The following TNFRSF8 variants were observed in gnomAD, a reference collection of about 807,000 sequenced individuals.
TNFRSF8 encodes the protein tumor necrosis factor receptor superfamily member 8.
In TNFRSF8, 26 loss-of-function variants were observed where a neutral mutation model predicts 70.8. That is an observed-to-expected ratio of 0.37 (90% confidence interval 0.27 to 0.51). The LOEUF (loss-of-function observed/expected upper bound fraction) is 0.51. Among genes scored for constraint, TNFRSF8 ranks in the 20% least tolerant of loss-of-function variants. TNFRSF8 has a pLI of 0.94. For synonymous variants in TNFRSF8, 356 were observed against 339.2 expected (o/e 1.05, Z -0.54); for missense variants, 720 against 807.9 (o/e 0.89, Z 1.32).
At chr1:12,105,599 G>A (rs1226400984) in intron 4 of TNFRSF8, among the ~76,000 whole-genome samples, 15 of 65,182 alleles carry the variant, frequency 2.3e-4, no homozygotes, top group Admixed American at 3.0e-4. Flanking sequence ...ACACACACAC[G>A]GATATATACC....
intron 14 of TNFRSF8, among the ~76,000 whole-genome samples, chr1:12,140,428 C>G (rs1049805271): frequency 3.9e-5 from 6 of 152,188 alleles, no homozygotes; most frequent in Non-Finnish European, 7.4e-5. Context: ...CCCCTTTCCC[C>G]CCAACTTCCT....
At chr1:12,105,862 C>T (rs969563295) in intron 4 of TNFRSF8, among the ~76,000 whole-genome samples, 1 of 150,020 alleles carries the variant, frequency 6.7e-6, no homozygotes, top group Non-Finnish European at 1.5e-5. Flanking sequence ...CCACTTGAAC[C>T]TGGGAGGCGG....
At chr1:12,120,260 A>G (rs1384979872) in intron 8 of TNFRSF8, among the ~76,000 whole-genome samples, 1 of 152,224 alleles carries the variant, frequency 6.6e-6, no homozygotes, top group African/African-American at 2.4e-5. Flanking sequence ...CCATCCTAGC[A>G]GAGCAAGGAA....
chr1:12,071,165 A>C (rs1362962659), intron 1 of TNFRSF8, among the ~76,000 whole-genome samples: 1 of 152,192 alleles, frequency 6.6e-6, no homozygotes, highest in Non-Finnish European at 1.5e-5. Flanking sequence ...TGGTGGTCAA[A>C]AGTCTATGAC....
At position 12,108,624 on chromosome 1, in the gene TNFRSF8, C is replaced by T. The variant is rs879011268; in HGVS notation, c.422-942C>T. On this transcript the variant is annotated intron_variant, in intron 4 of 14. Coordinates refer to ENST00000263932, the MANE Select transcript of TNFRSF8 (RefSeq NM_001243.5). This position sits in a 1 kb window ranked among gnomAD's most constrained non-coding sequence, Gnocchi z 4.0. The stretch of plus-strand genomic sequence containing the variant: ...TCACCTGAGGTCAGGAGTTCGAGAC[C>T]AGCCTGGCCAACATGGCGAAACCCT... Among the ~76,000 whole-genome samples the T allele has an allele frequency of 1.3e-5, 2 of 152,050 alleles. No homozygotes were observed. The highest frequency in any genetic ancestry group is 4.8e-5 in the African/African-American group (2 of 41,418).
chr1:12,116,300 A>G (rs964769519), intron 8 of TNFRSF8, among the ~76,000 whole-genome samples: 2 of 151,974 alleles, frequency 1.3e-5, no homozygotes, highest in African/African-American at 4.8e-5. Flanking sequence ...TAAAATCTTG[A>G]CCTGTTTGCA....
intron 7 of TNFRSF8, among the ~76,000 whole-genome samples, chr1:12,114,694 CTTTT>C (rs542462017): frequency 2.6e-5 from 2 of 77,046 alleles, no homozygotes; most frequent in Non-Finnish European, 4.5e-5. Flanking sequence ...GAAAAAAAAT[CTTTT>C]TTTTTTTTTT....
intron 13 of TNFRSF8, among the ~76,000 whole-genome samples, chr1:12,136,477 C>T (rs927936155): frequency 1.9e-4 from 29 of 151,944 alleles, no homozygotes; most frequent in African/African-American, 6.3e-4. Context: ...AGTGAAACCC[C>T]GTCTCTACTA....
rs908220715 is a variant in TNFRSF8, at chr1:12,063,513, G to T, written c.-86G>T. 22 of 1,221,734 alleles carry T rather than the reference G, an allele frequency of 1.8e-5. No homozygotes were observed. The highest frequency in any genetic ancestry group is 4.2e-5 in the Admixed American group (1 of 23,704). 75.7% of individuals were successfully genotyped at this position (1,221,734 alleles called of 1,614,324 possible). A position where few individuals can be genotyped will look rare whatever the true frequency, so the allele number is the denominator to read the frequency against. The stretch of plus-strand genomic sequence containing the variant: ...AAGTCCACGCGCGCGGCTGAGAACC[G>T]CCGGGACCGCACGTGGGCGCCGCGC... On this transcript the variant is annotated 5_prime_UTR_variant, in exon 1 of 15. Transcript: ENST00000263932. This position sits in a 1 kb window ranked among gnomAD's most constrained non-coding sequence, Gnocchi z 7.2.
chr1:12,087,032 A>G (rs1641163473), intron 2 of TNFRSF8, among the ~76,000 whole-genome samples: 1 of 148,554 alleles, frequency 6.7e-6, no homozygotes, highest in Non-Finnish European at 1.5e-5. Flanking sequence ...GCCCCCATCC[A>G]TACACCCACC....
chr1:12,068,725 G>C (rs1166220160), intron 1 of TNFRSF8, among the ~76,000 whole-genome samples: 1 of 152,154 alleles, frequency 6.6e-6, no homozygotes, highest in Non-Finnish European at 1.5e-5. Context: ...TCTGGGTCAG[G>C]CATGGCTCCA....
At chr1:12,135,315 CAAA>C (rs33914244) in intron 12 of TNFRSF8, among the ~76,000 whole-genome samples, 1 of 93,612 alleles carries the variant, frequency 1.1e-5, no homozygotes, top group Non-Finnish European at 2.0e-5. Context: ...GACTCCATCT[CAAA>C]AAAAAAAAAA....
intron 4 of TNFRSF8, among the ~76,000 whole-genome samples, chr1:12,106,288 C>G (rs554224707): frequency 6.6e-6 from 1 of 152,120 alleles, no homozygotes; most frequent in African/African-American, 2.4e-5. Flanking sequence ...GCCCTCTGCA[C>G]GTGCTGTTCT....
Position 12,111,998 on chromosome 1 carries a change from C to T in TNFRSF8, c.777C>T (p.Cys259=), listed in dbSNP as rs372079093. The change falls in exon 7 of 15, where the codon TGC becomes TGT. Residue 259 remains cysteine, a synonymous_variant. Transcript: ENST00000263932. ...YLDEAGRCTA[C]VSCSRDDLVE... ...ACGAGGCCGGCCGCTGCACGGCCTG[C>T]GTGAGCTGTTCTCGAGGTAAGGGCC... The T allele has an allele frequency of 3.3e-5, 53 of 1,613,636 alleles. No homozygotes were observed. The highest frequency in any genetic ancestry group is 2.0e-4 in the South Asian group (18 of 91,078).
At chr1:12,135,315 C>CA (rs33914244) in intron 12 of TNFRSF8, among the ~76,000 whole-genome samples, 9,974 of 93,514 alleles carry the variant, frequency 0.11, 837 homozygotes, top group South Asian at 0.24. Context: ...GACTCCATCT[C>CA]AAAAAAAAAA....
chr1:12,070,023 G>A (rs990219255), intron 1 of TNFRSF8, among the ~76,000 whole-genome samples: 1 of 152,180 alleles, frequency 6.6e-6, no homozygotes, highest in Non-Finnish European at 1.5e-5. Flanking sequence ...TGAGTGGAGA[G>A]GGGTGGTTAG....
chr1:12,108,080 T>G lies in TNFRSF8; in HGVS notation c.422-1486T>G, dbSNP rs571357770. ...CCCACACATACAGGCCACCATTTTT[T>G]TATTTTTTTTTTTTTTGTGATGGAG... is the stretch of plus-strand genomic sequence containing the variant. On this transcript the variant is annotated intron_variant, in intron 4 of 14. Coordinates refer to ENST00000263932, the MANE Select transcript of TNFRSF8 (RefSeq NM_001243.5). This position sits in a 1 kb window ranked among gnomAD's most constrained non-coding sequence, Gnocchi z 4.0. Among the ~76,000 whole-genome samples the G allele has an allele frequency of 6.6e-6, 1 of 151,352 alleles. No homozygotes were observed. Among genetic ancestry groups the G allele is most frequent in the South Asian group, 2.1e-4 (1 of 4,752 alleles).
intron 12 of TNFRSF8, among the ~76,000 whole-genome samples, chr1:12,131,703 A>G (rs1642050896): frequency 6.6e-6 from 1 of 151,602 alleles, no homozygotes; most frequent in Admixed American, 6.6e-5. Flanking sequence ...TTTGTTGTGC[A>G]GGCTGGTCTC....
Position 12,110,230 on chromosome 1 carries a change from C to A in TNFRSF8, c.676+26C>A. 1.3e-6 allele frequency: 2 copies of A among 1,559,892 alleles called. No homozygotes were observed. The highest frequency in any genetic ancestry group is 2.4e-5 in the South Asian group (2 of 82,068). ...GTAATTTCCCCATGAAGCTGTGGGT[C>A]GTCTCCCTGGGGTGCTCGATTGGTG... On this transcript the variant is annotated intron_variant, in intron 6 of 14. Transcript: ENST00000263932. This position sits in a 1 kb window ranked among gnomAD's most constrained non-coding sequence, Gnocchi z 4.0.
Sources: allele counts gnomAD v4.1 joint callset (sites outside exome capture counted in the v4.1 genomes callset), GRCh38; gene constraint gnomAD v4.1.1; non-coding constraint Gnocchi (gnomAD v3.1); transcripts MANE v1.5; gene names NCBI Gene and HGNC (gene_info 2026-07-23, HGNC 2026-07-21).